Variants in LARGE1 observed in about 807,000 individuals in gnomAD.
LARGE1 encodes xylosyl- and glucuronyltransferase LARGE1.
In LARGE1, 43 loss-of-function variants were observed where a neutral mutation model predicts 87.6. That is an observed-to-expected ratio of 0.49 (90% CI 0.38 to 0.63). LARGE1 has a LOEUF of 0.63. Among genes scored for constraint, LARGE1 ranks in the 30% least tolerant of loss-of-function variants. The pLI is 0.00. For synonymous variants in LARGE1, 434 were observed against 394.6 expected (o/e 1.10, Z -1.18); for missense variants, 802 against 1,000.2 (o/e 0.80, Z 2.67).
chr22:33,813,595 C>T (rs2086565256), intron 1 of LARGE1, among the ~76,000 whole-genome samples: 1 of 152,138 alleles, frequency 6.6e-6, no homozygotes, highest in Admixed American at 6.6e-5. Context: ...TGAGGAACAA[C>T]ATACAGCTTC....
At chr22:33,134,695 T>C in the LARGE1 span, among the ~76,000 whole-genome samples, 2 of 152,208 alleles carry the variant, frequency 1.3e-5, no homozygotes, top group Non-Finnish European at 2.9e-5. Context: ...GGCCTCCTGG[T>C]GCACCAGGTA....
chr22:33,154,938 C>T, the LARGE1 span, among the ~76,000 whole-genome samples: 3 of 152,076 alleles, frequency 2.0e-5, no homozygotes, highest in Non-Finnish European at 2.9e-5. Context: ...TCATGAGATC[C>T]GATGGTTTTA....
intron 9 of LARGE1, among the ~76,000 whole-genome samples, chr22:33,377,262 CG>C (rs1466893971): frequency 2.0e-5 from 3 of 152,188 alleles, no homozygotes; most frequent in Non-Finnish European, 2.9e-5. Flanking sequence ...CAAATGCCAT[CG>C]TAACTTTACA....
At chr22:33,556,462 T>C (rs1316405192) in intron 6 of LARGE1, among the ~76,000 whole-genome samples, 2 of 148,132 alleles carry the variant, frequency 1.4e-5, no homozygotes, top group Non-Finnish European at 3.0e-5. Flanking sequence ...AGGTAGTAAA[T>C]TAATGAAAGA....
At chr22:33,843,636 T>C (rs1212103871) in intron 1 of LARGE1, among the ~76,000 whole-genome samples, 1 of 151,846 alleles carries the variant, frequency 6.6e-6, no homozygotes, top group South Asian at 2.1e-4. Context: ...GCCCTCCCTG[T>C]ACCCACAACC....
At chr22:33,485,137 T>TC (rs1168208309) in intron 6 of LARGE1, among the ~76,000 whole-genome samples, 5 of 151,924 alleles carry the variant, frequency 3.3e-5, no homozygotes, top group Non-Finnish European at 7.4e-5. Flanking sequence ...AGTCTCGAAC[T>TC]CCTTAGCTCA....
intron 12 of LARGE1, among the ~76,000 whole-genome samples, chr22:33,289,765 C>G (rs59880626): frequency 0.038 from 5,712 of 152,208 alleles, 336 homozygotes; most frequent in African/African-American, 0.13. Context: ...TCCAGCGTGG[C>G]AGAGCTAACC....
intron 11 of LARGE1, among the ~76,000 whole-genome samples, chr22:33,314,949 C>T (rs995614747): frequency 6.6e-6 from 1 of 152,180 alleles, no homozygotes; most frequent in South Asian, 2.1e-4. Flanking sequence ...GGGGCTCACA[C>T]TTGTAATCCC....
At chr22:33,658,647 CA>C (rs1359143917) in intron 2 of LARGE1, among the ~76,000 whole-genome samples, 6 of 152,180 alleles carry the variant, frequency 3.9e-5, no homozygotes, top group Admixed American at 2.0e-4. Context: ...CATAGTATTC[CA>C]TGGTGTATAT....
chr22:33,259,319 AACACACACACACAC>A (rs3071499), intron 11 of LARGE1, among the ~76,000 whole-genome samples: 1 of 145,190 alleles, frequency 6.9e-6, no homozygotes, highest in African/African-American at 2.7e-5. Context: ...TCCAAAGGGC[AACACACACACACAC>A]ACACACACAC....
chr22:33,627,577 C>T (rs1227400331), intron 3 of LARGE1, among the ~76,000 whole-genome samples: 1 of 152,156 alleles, frequency 6.6e-6, no homozygotes, highest in Non-Finnish European at 1.5e-5. Flanking sequence ...CCTTGTTATC[C>T]CAACCAGCCA....
intron 6 of LARGE1, among the ~76,000 whole-genome samples, chr22:33,457,649 A>G (rs900728294): frequency 3.3e-5 from 5 of 152,198 alleles, no homozygotes; most frequent in African/African-American, 1.2e-4. Context: ...AAAAGTGTAC[A>G]AAAAAGGAAT....
At chr22:33,513,735 A>G (rs938527677) in intron 6 of LARGE1, among the ~76,000 whole-genome samples, 49 of 151,630 alleles carry the variant, frequency 3.2e-4, no homozygotes, top group African/African-American at 1.2e-3. Flanking sequence ...AAAAAGCAGC[A>G]TCTCTCAGGG....
chr22:33,317,189 G>A (rs1053407708), intron 10 of LARGE1, among the ~76,000 whole-genome samples: 1 of 152,088 alleles, frequency 6.6e-6, no homozygotes, highest in Admixed American at 6.5e-5. Flanking sequence ...CTTCCAGCCT[G>A]GGTGACAGAG....
chr22:33,786,644 G>A (rs2085651131), intron 1 of LARGE1, among the ~76,000 whole-genome samples: 1 of 152,104 alleles, frequency 6.6e-6, no homozygotes, highest in Non-Finnish European at 1.5e-5. Context: ...TTTCCCTCAG[G>A]TCTCACTCAG....
intron 9 of LARGE1, among the ~76,000 whole-genome samples, chr22:33,349,120 T>A (rs1017901737): frequency 1.1e-4 from 16 of 152,136 alleles, no homozygotes; most frequent in African/African-American, 3.9e-4. Flanking sequence ...TATTTCTTCA[T>A]AGAAGTATGA....
intron 11 of LARGE1, among the ~76,000 whole-genome samples, chr22:33,177,597 T>C (rs1922941351): frequency 6.6e-6 from 1 of 152,044 alleles, no homozygotes; most frequent in African/African-American, 2.4e-5. Context: ...GATTCCCATA[T>C]CTTAGAGGAT....
chr22:33,336,985 C>T (rs187888105), intron 10 of LARGE1, among the ~76,000 whole-genome samples: 1,702 of 150,646 alleles, frequency 0.011, 37 homozygotes, highest in African/African-American at 0.038. Flanking sequence ...CGCTTGAACC[C>T]GGGAGGCAGA....
intron 6 of LARGE1, among the ~76,000 whole-genome samples, chr22:33,545,350 G>A (rs577084636): frequency 4.2e-5 from 6 of 142,940 alleles, no homozygotes; most frequent in African/African-American, 1.3e-4. Flanking sequence ...CACTGCAGCC[G>A]CAGCCTCCTG....
Sources: allele counts gnomAD v4.1 joint callset (sites outside exome capture counted in the v4.1 genomes callset), GRCh38; gene constraint gnomAD v4.1.1; transcripts MANE v1.5; gene names NCBI Gene and HGNC (gene_info 2026-07-23, HGNC 2026-07-21).